Variants in TMEM117 observed in about 807,000 individuals in gnomAD.
The protein encoded by TMEM117 is transmembrane protein 117.
Under a neutral mutation model 52.4 loss-of-function variants are expected in TMEM117, and 27 were observed. The ratio of observed to expected loss-of-function variants is 0.51; its 90% confidence interval spans 0.38 to 0.71. The LOEUF is 0.71. Among genes scored for constraint, TMEM117 ranks in the 30% least tolerant of loss-of-function variants. The pLI is 0.00. For synonymous variants in TMEM117, 215 were observed against 206.3 expected (o/e 1.04, Z -0.36); for missense variants, 556 against 630.5 (o/e 0.88, Z 1.26).
At chr12:43,971,594 A>G (rs1020014127) in intron 3 of TMEM117, among the ~76,000 whole-genome samples, 1 of 152,200 alleles carries the variant, frequency 6.6e-6, no homozygotes, top group Non-Finnish European at 1.5e-5. Context: ...CTGCTTAGAC[A>G]TCATTTCCTC....
At chr12:44,278,625 T>C (rs1206827908) in intron 5 of TMEM117, among the ~76,000 whole-genome samples, 1 of 152,240 alleles carries the variant, frequency 6.6e-6, no homozygotes, top group Admixed American at 6.5e-5. Flanking sequence ...AAGAATATTA[T>C]ACTACTTAAA....
chr12:44,121,342 G>T (rs1948230948), intron 3 of TMEM117, among the ~76,000 whole-genome samples: 1 of 152,080 alleles, frequency 6.6e-6, no homozygotes, highest in Non-Finnish European at 1.5e-5. Context: ...AACAACATGG[G>T]TTTGAACTGT....
intron 3 of TMEM117, among the ~76,000 whole-genome samples, chr12:44,090,383 T>A (rs1332952497): frequency 6.7e-6 from 1 of 150,076 alleles, no homozygotes; most frequent in Non-Finnish European, 1.5e-5. Context: ...GGGCCCCTTT[T>A]ATTTTTATCT....
the TMEM117 span, among the ~76,000 whole-genome samples, chr12:44,397,534 C>T: frequency 1.8e-3 from 268 of 152,226 alleles, 1 homozygote; most frequent in Middle Eastern, 3.4e-3. Context: ...AAACACAAGT[C>T]GGAAGCTCTA....
At chr12:44,287,978 A>C (rs969039078) in intron 5 of TMEM117, among the ~76,000 whole-genome samples, 3 of 152,342 alleles carry the variant, frequency 2.0e-5, no homozygotes, top group South Asian at 4.1e-4. Flanking sequence ...TATGTCTGAA[A>C]TAGTAATTTG....
At chr12:44,326,235 A>C (rs1390401509) in intron 6 of TMEM117, among the ~76,000 whole-genome samples, 1 of 152,180 alleles carries the variant, frequency 6.6e-6, no homozygotes, top group African/African-American at 2.4e-5. Flanking sequence ...CTGGCTTCTG[A>C]ATGTTAGAAA....
chr12:43,904,793 T>A (rs1164814947), intron 2 of TMEM117, among the ~76,000 whole-genome samples: 1 of 152,246 alleles, frequency 6.6e-6, no homozygotes, highest in Non-Finnish European at 1.5e-5. Flanking sequence ...TTTAGTCCCT[T>A]GTTGTTCCAG....
intron 4 of TMEM117, among the ~76,000 whole-genome samples, chr12:44,164,105 A>T (rs1948932899): frequency 6.6e-6 from 1 of 152,188 alleles, no homozygotes; most frequent in African/African-American, 2.4e-5. Flanking sequence ...AGAAGACTAT[A>T]CCGTGGAATA....
intron 6 of TMEM117, among the ~76,000 whole-genome samples, chr12:44,348,600 T>C (rs1261717217): frequency 1.3e-5 from 2 of 152,072 alleles, no homozygotes; most frequent in Non-Finnish European, 2.9e-5. Context: ...TTTGTGTTTA[T>C]AGCTCTTGAA....
At chr12:44,181,577 G>A (rs1474392603) in intron 4 of TMEM117, among the ~76,000 whole-genome samples, 29 of 151,992 alleles carry the variant, frequency 1.9e-4, no homozygotes, top group Non-Finnish European at 3.8e-4. Context: ...CATATGGCTA[G>A]CCAGTTTTCC....
intron 5 of TMEM117, among the ~76,000 whole-genome samples, chr12:44,286,285 ATAGT>A (rs1456930867): frequency 1.3e-5 from 2 of 151,082 alleles, no homozygotes; most frequent in African/African-American, 4.8e-5. Flanking sequence ...AACATGAATA[ATAGT>A]TAATGTATTA....
At chr12:43,964,497 C>T (rs981303640) in intron 3 of TMEM117, among the ~76,000 whole-genome samples, 11 of 152,222 alleles carry the variant, frequency 7.2e-5, no homozygotes, top group Non-Finnish European at 1.2e-4. Flanking sequence ...CAATGTCCTT[C>T]TTCCTATGAA....
At chr12:43,908,529 C>G (rs1004728147) in intron 2 of TMEM117, among the ~76,000 whole-genome samples, 11 of 149,792 alleles carry the variant, frequency 7.3e-5, no homozygotes, top group African/African-American at 1.7e-4. Context: ...GCTAAATGCT[C>G]CAATTAAAAG....
chr12:44,003,090 A>G (rs911131755), intron 3 of TMEM117, among the ~76,000 whole-genome samples: 1 of 152,196 alleles, frequency 6.6e-6, no homozygotes, highest in African/African-American at 2.4e-5. Flanking sequence ...TCTTCTGGGA[A>G]CAGTGGAACA....
the TMEM117 span, among the ~76,000 whole-genome samples, chr12:43,800,856 T>A: frequency 8.9e-4 from 135 of 152,254 alleles, no homozygotes; most frequent in African/African-American, 3.2e-3. Flanking sequence ...GTTCAAGTGG[T>A]TCTCCTGCCT....
At chr12:43,862,754 G>A (rs1263499916) in intron 2 of TMEM117, among the ~76,000 whole-genome samples, 12 of 152,330 alleles carry the variant, frequency 7.9e-5, no homozygotes, top group African/African-American at 2.9e-4. Context: ...TGAAAGATGA[G>A]AAGGAGCTAG....
At chr12:44,069,325 G>A (rs532507089) in intron 3 of TMEM117, among the ~76,000 whole-genome samples, 2 of 152,256 alleles carry the variant, frequency 1.3e-5, no homozygotes, top group East Asian at 1.9e-4. Context: ...GCTGAGGGCT[G>A]GGGAGGTAGT....
chr12:44,197,109 A>G (rs1170260673), intron 4 of TMEM117, among the ~76,000 whole-genome samples: 2 of 152,156 alleles, frequency 1.3e-5, no homozygotes, highest in African/African-American at 4.8e-5. Context: ...TGGCTCCATC[A>G]TTAGGGATAG....
intron 5 of TMEM117, 63 bp downstream of exon 5, chr12:44,211,450 A>G (rs1388501704): frequency 2.5e-6 from 3 of 1,180,562 alleles, no homozygotes; most frequent in Non-Finnish European, 3.7e-6. Context: ...CTTTAGTTGG[A>G]TGTAATTTTC....
Sources: gnomAD v4.1 joint callset for allele counts (sites outside exome capture counted in the v4.1 genomes callset) on GRCh38, gnomAD v4.1.1 for gene constraint, MANE v1.5 for transcripts, NCBI Gene and HGNC (gene_info 2026-07-23, HGNC 2026-07-21) for gene names.